Variants in MN1 observed in about 807,000 individuals in gnomAD.
MN1 encodes transcriptional activator MN1.
In MN1, 19 loss-of-function variants were observed where a neutral mutation model predicts 86.9. The observed-to-expected ratio is 0.22, with a 90% CI of 0.15 to 0.32. MN1 has a LOEUF of 0.32. MN1 is among the 10% of genes least tolerant of loss of function. The pLI, the probability that MN1 is intolerant of heterozygous loss-of-function variation, is 1.00. For missense variants in MN1, 1,841 were observed against 1,862.0 expected, an observed-to-expected ratio of 0.99 and a Z score of 0.21; for synonymous variants, 928 against 849.6, an observed-to-expected ratio of 1.09 and a Z score of -1.60.
At position 27,800,155 on chromosome 22, in the gene MN1, C is replaced by A; in HGVS notation, c.389G>T (p.Gly130Val). Reference sequence around the variant, plus strand: ...GCCGCCGTAGCCGAGCAGGCGACCCCCGTGCAGGCACGAGGCCCCGGGGTC... The same window carrying A: ...GCCGCCGTAGCCGAGCAGGCGACCCACGTGCAGGCACGAGGCCCCGGGGTC... ...GPDPGASCLH[G>V]GRLLGYGGAA... Residue 130 changes from glycine (G) to valine (V), a missense_variant, in exon 1 of 2, where the codon GGG becomes GTG. Coordinates refer to ENST00000302326, the MANE Select transcript of MN1 (RefSeq NM_002430.3). 1 of 1,553,356 alleles carries A rather than the reference C, an allele frequency of 6.4e-7. No homozygotes were observed. Among genetic ancestry groups the A allele is most frequent in the Non-Finnish European group, 8.7e-7 (1 of 1,154,898 alleles).
intron 1 of MN1, among the ~76,000 whole-genome samples, chr22:27,768,238 G>A (rs1206808806): frequency 6.6e-6 from 1 of 152,188 alleles, no homozygotes; most frequent in African/African-American, 2.4e-5. Flanking sequence ...GATTGTCACA[G>A]AGGGTGAGAG....
chr22:27,748,541 T>C lies in MN1; in HGVS notation c.*2374A>G, dbSNP rs888961384. 3 of 203,766 alleles carry C rather than the reference T, an allele frequency of 1.5e-5. No individual in the cohort carries two copies. Among genetic ancestry groups the C allele is most frequent in the African/African-American group, 6.9e-5 (3 of 43,670 alleles). The allele number at this position is 203,766 out of a possible 1,614,324, so 12.6% of individuals were successfully genotyped here. On this transcript the variant is annotated 3_prime_UTR_variant, in exon 2 of 2. Coordinates refer to ENST00000302326, the MANE Select transcript of MN1 (RefSeq NM_002430.3). ...TTCATATTTTACATGTGCAATAACA[T>C]TTTCGTTTTCTTTCCCAAAGAGTTT...
chr22:27,799,246 G>A lies in MN1; in HGVS notation c.1298C>T (p.Pro433Leu), dbSNP rs1933382394. 4 of 1,588,238 alleles carry A rather than the reference G, an allele frequency of 2.5e-6. No individual in the cohort carries two copies. In the East Asian group the frequency reaches 9.0e-5, roughly 36 times the overall value. The change falls in exon 1 of 2, where the codon CCT becomes CTT. Residue 433 changes from proline (P) to leucine (L), a missense_variant. Physicochemically the swap from Pro to Leu is moderately conservative, Grantham distance 98. Transcript: ENST00000302326. ...CCGCTGGTTGGGCGCCTGCTGCGGA[G>A]GAGGATGCTGCATGCTGAAAACAGG... ...SEPVFSMQHP[P>L]PQQAPNQRLQ...
chr22:27,785,056 CCACACACACACA>C (rs57257445), intron 1 of MN1, among the ~76,000 whole-genome samples: 11 of 144,918 alleles, frequency 7.6e-5, no homozygotes, highest in East Asian at 4.1e-4. Flanking sequence ...CTGGCATCCG[CCACACACACACA>C]CACACACACA....
At chr22:27,795,938 C>T (rs148644269) in intron 1 of MN1, among the ~76,000 whole-genome samples, 2,796 of 152,230 alleles carry the variant, frequency 0.018, 33 homozygotes, top group Non-Finnish European at 0.027. Context: ...AAAGCTGGGA[C>T]AGGACATCTG....
At chr22:27,753,501 C>T (rs758318821) in intron 1 of MN1, among the ~76,000 whole-genome samples, 24 of 152,058 alleles carry the variant, frequency 1.6e-4, no homozygotes, top group South Asian at 4.2e-4. Flanking sequence ...CTGGGAGGGT[C>T]GGGGGTGAGG....
chr22:27,749,131 C>T lies in MN1; in HGVS notation c.*1784G>A, dbSNP rs901167534. 9 of 231,888 alleles carry T rather than the reference C, an allele frequency of 3.9e-5. No homozygotes were observed. The highest frequency in any genetic ancestry group is 7.7e-5 in the Non-Finnish European group (9 of 117,272). The allele number at this position is 231,888 out of a possible 1,614,324, so 14.4% of individuals were successfully genotyped here. A position where few individuals can be genotyped will look rare whatever the true frequency, so the allele number is the denominator to read the frequency against. On this transcript the variant is annotated 3_prime_UTR_variant, in exon 2 of 2. Transcript: ENST00000302326. The stretch of plus-strand genomic sequence containing the variant: ...TCGTCAAGACTGCCCAGGCGAGAAC[C>T]GCAGACTCAGACCCCAGCCAAAAGG...
At position 27,798,583 on chromosome 22, in the gene MN1, G is replaced by A; in HGVS notation, c.1961C>T (p.Ala654Val). ...PRRMGGSGLP[A>V]DCGPHDPSLA... ...GCTGGGGTCGTGCGGGCCACAGTCA[G>A]CGGGCAGACCCGAGCCGCCCATCCT... Residue 654 changes from alanine (A) to valine (V), a missense_variant, in exon 1 of 2, where the codon GCT (alanine) becomes GTT (valine). Physicochemically the swap from Ala to Val is moderately conservative, Grantham distance 64 (BLOSUM62 0). Transcript: ENST00000302326. 1.9e-6 allele frequency: 3 copies of A among 1,545,600 alleles called. No homozygotes were observed. The highest frequency in any genetic ancestry group is 2.6e-6 in the Non-Finnish European group (3 of 1,155,552).
At chr22:27,756,991 G>A (rs186045878) in intron 1 of MN1, among the ~76,000 whole-genome samples, 5 of 152,252 alleles carry the variant, frequency 3.3e-5, no homozygotes, top group East Asian at 3.9e-4. Flanking sequence ...GTATTCCTGG[G>A]TTCAAGCAAT....
At chr22:27,764,161 G>T (rs1049550176) in intron 1 of MN1, among the ~76,000 whole-genome samples, 3 of 152,184 alleles carry the variant, frequency 2.0e-5, no homozygotes, top group Admixed American at 2.0e-4. Context: ...AGCAGAGAAG[G>T]AGCATCGAGA....
chr22:27,788,301 A>G lies in MN1; in HGVS notation c.3781+8462T>C, dbSNP rs45503399. Among the ~76,000 whole-genome samples, 1,059 of 152,166 alleles carry G rather than the reference A, an allele frequency of 7.0e-3. 19 individuals are homozygous for G. The highest frequency in any genetic ancestry group is 0.024 in the African/African-American group (1,016 of 41,488). ...CCTTCTGATTTATTTGGAAATGAGGACCTACAGTGTCCACATCAGGATCGG... is the reference window on the plus strand; with the variant it reads ...CCTTCTGATTTATTTGGAAATGAGGGCCTACAGTGTCCACATCAGGATCGG... On this transcript the variant is annotated intron_variant, in intron 1 of 1. Coordinates refer to ENST00000302326, the MANE Select transcript of MN1 (RefSeq NM_002430.3).
Position 27,748,408 on chromosome 22 carries a change from A to G in MN1, c.*2507T>C, listed in dbSNP as rs968685232. ...AAAAGAAAGAAAAAAATAACACTCA[A>G]TTTCATGAGCTATTGTCACAGTCTT... On this transcript the variant is annotated 3_prime_UTR_variant, in exon 2 of 2. Coordinates refer to ENST00000302326, the MANE Select transcript of MN1 (RefSeq NM_002430.3). 1.6e-5 allele frequency: 3 copies of G among 187,222 alleles called. No individual in the cohort carries two copies. The highest frequency in any genetic ancestry group is 8.6e-5 in the East Asian group (1 of 11,664). 11.6% of individuals were successfully genotyped at this position (187,222 alleles called of 1,614,324 possible).
intron 1 of MN1, among the ~76,000 whole-genome samples, chr22:27,781,418 G>A (rs1025799806): frequency 3.9e-5 from 6 of 152,094 alleles, no homozygotes; most frequent in African/African-American, 1.4e-4. Flanking sequence ...CTGCAGCCAC[G>A]ACAACCAAAG....
rs745479652 is a variant in MN1, at chr22:27,800,287, T to G, written c.257A>C (p.Gln86Pro). 8 of 1,577,946 alleles carry G rather than the reference T, an allele frequency of 5.1e-6. No homozygotes were observed. Among genetic ancestry groups the G allele is most frequent in the Non-Finnish European group, 6.9e-6 (8 of 1,162,236 alleles). The change falls in exon 1 of 2, where the codon CAG becomes CCG. Residue 86 changes from glutamine (Q) to proline (P), a missense_variant. By Grantham distance (76) the Gln-to-Pro change is moderately conservative (BLOSUM62 -1). Coordinates refer to ENST00000302326, the MANE Select transcript of MN1 (RefSeq NM_002430.3). ...GCCGCCAAAGAAGCCGTGCACAGGC[T>G]GCGCTTGCAGCCCCCCTGCGTGCAA... The part of the protein sequence containing the change: ...SELHAGGLQA[Q>P]PVHGFFGGQQ...
intron 1 of MN1, among the ~76,000 whole-genome samples, chr22:27,766,052 C>T (rs1343555332): frequency 6.6e-6 from 1 of 152,204 alleles, no homozygotes; most frequent in Non-Finnish European, 1.5e-5. Flanking sequence ...TGCTTTCCCT[C>T]TGGACTGGGC....
intron 1 of MN1, among the ~76,000 whole-genome samples, chr22:27,790,010 T>C (rs1933189040): frequency 6.6e-6 from 1 of 152,180 alleles, no homozygotes. Flanking sequence ...TTCAACCCCT[T>C]GGATTTCAAG....
Position 27,797,649 on chromosome 22 carries a change from A to T in MN1, c.2895T>A (p.Ala965=). The change falls in exon 1 of 2, where the codon GCT becomes GCA. Residue 965 remains alanine, a synonymous_variant. Coordinates refer to ENST00000302326, the MANE Select transcript of MN1 (RefSeq NM_002430.3). ...CCCCAGGTGCGCCCCCGCTGTCCGG[A>T]GCCGCCGAGTACTTGTCAAAGAAGG... ...PGTFFDKYSA[A]PDSGGAPGVS... The T allele has an allele frequency of 6.2e-7, 1 of 1,600,040 alleles. No individual in the cohort carries two copies. The highest frequency in any genetic ancestry group is 8.5e-7 in the Non-Finnish European group (1 of 1,173,648).
In MN1 at chr22:27,800,162, G is replaced by A; in HGVS notation, c.382C>T (p.Leu128=). The A allele has an allele frequency of 1.3e-6, 2 of 1,549,864 alleles. No homozygotes were observed. Among genetic ancestry groups the A allele is most frequent in the Non-Finnish European group, 1.7e-6 (2 of 1,152,808 alleles). Residue 128 remains leucine, a synonymous_variant, in exon 1 of 2, where the codon CTG becomes TTG. Transcript: ENST00000302326. ...FGGPDPGASC[L]HGGRLLGYGG... ...TAGCCGAGCAGGCGACCCCCGTGCA[G>A]GCACGAGGCCCCGGGGTCCGGGCCA...
intron 1 of MN1, among the ~76,000 whole-genome samples, chr22:27,780,848 T>A (rs1219324774): frequency 6.6e-6 from 1 of 152,212 alleles, no homozygotes; most frequent in Non-Finnish European, 1.5e-5. Context: ...CATCGCCATG[T>A]GGTTAAGTGC....
Sources: gnomAD v4.1 joint callset for allele counts (sites outside exome capture counted in the v4.1 genomes callset) on GRCh38, gnomAD v4.1.1 for gene constraint, MANE v1.5 for transcripts, NCBI Gene and HGNC (gene_info 2026-07-23, HGNC 2026-07-21) for gene names.